The following WASHC2C variants were observed in gnomAD, a reference collection of about 807,000 sequenced individuals.
WASHC2C encodes WASH complex subunit 2C, also known as Vaccinia Penetration Factor.
In WASHC2C, 73 loss-of-function variants were observed where a neutral mutation model predicts 142.2. The observed-to-expected ratio is 0.51, with a 90% CI of 0.43 to 0.62. WASHC2C has a LOEUF of 0.62. Ranked by LOEUF, WASHC2C falls within the 20% of genes least tolerant of loss-of-function variation. The probability of loss-of-function intolerance (pLI) is 0.00; values close to 1 mark genes in which losing one functional copy is unlikely to be tolerated. For synonymous variants in WASHC2C, 337 were observed against 565.5 expected (o/e 0.60, Z 5.73); for missense variants, 969 against 1,531.7 (o/e 0.63, Z 6.13).
intron 21 of WASHC2C, among the ~76,000 whole-genome samples, chr10:45,774,795 A>C (rs1554885903): frequency 8.1e-6 from 1 of 123,528 alleles, no homozygotes. Flanking sequence ...GAGACACAGC[A>C]TTTATACATT....
rs1438004740 is a variant in WASHC2C at position 45,749,898 on chromosome 10, A to AT, written c.733-190dup. Among the ~76,000 whole-genome samples the AT allele has an allele frequency of 9.1e-4, 124 of 136,004 alleles. 2 individuals carry two copies. The highest frequency in any genetic ancestry group is 3.4e-3 in the African/African-American group (118 of 35,198). 89.2% of individuals were successfully genotyped at this position (136,004 alleles called of 152,430 possible). On this transcript the variant is annotated intron_variant, in intron 8 of 30. Transcript: ENST00000623400. ...TTATATTTTATATATATTTTTATATATTTTTTTTCTTAGATTCAAAGTAAA... is the reference window on the plus strand; with the variant it reads ...TTATATTTTATATATATTTTTATATATTTTTTTTTCTTAGATTCAAAGTAAA...
At chr10:45,739,236 TCA>T (rs1439460419) in intron 4 of WASHC2C, among the ~76,000 whole-genome samples, 2 of 150,882 alleles carry the variant, frequency 1.3e-5, no homozygotes, top group African/African-American at 2.4e-5. Flanking sequence ...ACAAAAAAGT[TCA>T]GTTAGAAAGA....
chr10:45,735,298 C>T (rs1249178027), intron 3 of WASHC2C, among the ~76,000 whole-genome samples: 1 of 150,606 alleles, frequency 6.6e-6, no homozygotes, highest in Non-Finnish European at 1.5e-5. Context: ...TGTGCAATCT[C>T]GGCTCACTGC....
At chr10:45,746,260 AAACT>A (rs2052818849) in intron 7 of WASHC2C, among the ~76,000 whole-genome samples, 1 of 145,466 alleles carries the variant, frequency 6.9e-6, no homozygotes, top group Admixed American at 6.9e-5. Context: ...AAAATAACAC[AAACT>A]GACTTTCAGT....
rs1554861200 is a variant in WASHC2C at position 45,728,974 on chromosome 10, A to G, written c.239A>G (p.His80Arg). ...RETKATDCRLHNVFNDFLMLS... is the reference protein window; with the variant it reads ...RETKATDCRLRNVFNDFLMLS... ...ACCAAAGCCACAGATTGTCGCCTGC[A>G]TAATGTCTTCAATGACTTCCTTATG... The change falls in exon 3 of 31, where the codon CAT (histidine) becomes CGT (arginine). Residue 80 changes from histidine (H) to arginine (R), a missense_variant. Physicochemically the swap from His to Arg is conservative, Grantham distance 29. Coordinates refer to ENST00000623400, the MANE Select transcript of WASHC2C (RefSeq NM_001330074.2). The G allele has an allele frequency of 6.2e-7, 1 of 1,614,000 alleles. No homozygotes were observed. The highest frequency in any genetic ancestry group is 8.5e-7 in the Non-Finnish European group (1 of 1,179,862).
At chr10:45,784,252 GTATA>G (rs71225139) in intron 23 of WASHC2C, among the ~76,000 whole-genome samples, 523 of 40,640 alleles carry the variant, frequency 0.013, 12 homozygotes, top group African/African-American at 0.037. Flanking sequence ...GTGTGTGTGT[GTATA>G]TATATATATA....
intron 8 of WASHC2C, among the ~76,000 whole-genome samples, chr10:45,746,991 A>G (rs1416739062): frequency 2.0e-5 from 3 of 152,208 alleles, no homozygotes; most frequent in Non-Finnish European, 4.4e-5. Flanking sequence ...CAGTAACATT[A>G]TTGAGTATTC....
At chr10:45,745,508 T>C (rs1477651259) in intron 7 of WASHC2C, among the ~76,000 whole-genome samples, 1 of 151,406 alleles carries the variant, frequency 6.6e-6, no homozygotes, top group Non-Finnish European at 1.5e-5. Flanking sequence ...AAGGAGACAG[T>C]GTTGTGTATG....
chr10:45,773,714 A>G (rs2056817207), intron 21 of WASHC2C, among the ~76,000 whole-genome samples: 2 of 152,220 alleles, frequency 1.3e-5, no homozygotes, highest in Non-Finnish European at 2.9e-5. Context: ...TTAGCCAGTC[A>G]GTAAAAAGGA....
At chr10:45,727,103 C>T (rs1589511040), upstream of WASHC2C, 1 of 1,389,962 alleles carries the variant, frequency 7.2e-7, no homozygotes, top group South Asian at 1.6e-5. Flanking sequence ...TCCGCCCCAA[C>T]CTAGGGTAGA....
chr10:45,747,084 G>A (rs1382769068), intron 8 of WASHC2C, among the ~76,000 whole-genome samples: 4 of 152,174 alleles, frequency 2.6e-5, no homozygotes, highest in African/African-American at 9.7e-5. Flanking sequence ...TTTTCATAGT[G>A]TGCATCGTTC....
At chr10:45,751,951 C>T (rs1465427235) in intron 11 of WASHC2C, among the ~76,000 whole-genome samples, 11 of 152,218 alleles carry the variant, frequency 7.2e-5, no homozygotes, top group South Asian at 6.2e-4. Context: ...CATTCCAGCC[C>T]GGGTGATGGT....
At chr10:45,758,327 C>A (rs2596975) in intron 16 of WASHC2C, among the ~76,000 whole-genome samples, 12,057 of 140,662 alleles carry the variant, frequency 0.086, 759 homozygotes, top group African/African-American at 0.19. Context: ...TGCCATTGCT[C>A]AGTTGATCTC....
chr10:45,746,922 C>T (rs2052906302), intron 8 of WASHC2C, among the ~76,000 whole-genome samples: 1 of 152,146 alleles, frequency 6.6e-6, no homozygotes, highest in South Asian at 2.1e-4. Context: ...GACTCAGTTA[C>T]CCAAACTGAA....
chr10:45,758,287 G>C (rs1319449213), intron 16 of WASHC2C, among the ~76,000 whole-genome samples: 47 of 152,308 alleles, frequency 3.1e-4, no homozygotes, highest in African/African-American at 1.1e-3. Context: ...CCACCACACT[G>C]CTTCATTGGA....
Position 45,792,839 on chromosome 10 carries a change from A to G in WASHC2C, c.*439A>G. 2 of 472,696 alleles carry G rather than the reference A, an allele frequency of 4.2e-6. No homozygotes were observed. The highest frequency in any genetic ancestry group is 8.7e-6 in the Non-Finnish European group (2 of 229,444). 29.3% of individuals were successfully genotyped at this position (472,696 alleles called of 1,614,324 possible). On this transcript the variant is annotated 3_prime_UTR_variant, in exon 31 of 31. Transcript: ENST00000623400. ...AGATTATACTTCATGAGTCTTAGCA[A>G]TATGGGAGCAGGTTTTCACTGAATT...
At chr10:45,773,962 A>AATAC (rs1375172247) in intron 21 of WASHC2C, among the ~76,000 whole-genome samples, 1 of 148,498 alleles carries the variant, frequency 6.7e-6, no homozygotes, top group Non-Finnish European at 1.5e-5. Context: ...CAAAACAAGA[A>AATAC]ATACACATGA....
intron 3 of WASHC2C, among the ~76,000 whole-genome samples, chr10:45,732,009 G>T (rs1438573120): frequency 6.6e-6 from 1 of 151,908 alleles, no homozygotes; most frequent in Admixed American, 6.6e-5. Context: ...TGTTAGCCAG[G>T]ATGGTCTCGA....
In WASHC2C at chr10:45,752,657, G is replaced by T. The variant is rs1374647363; in HGVS notation, c.1073G>T (p.Gly358Val). The change falls in exon 12 of 31, where the codon GGT (glycine) becomes GTT (valine). Residue 358 changes from glycine (G) to valine (V), a missense_variant. By Grantham distance (109) the Gly-to-Val change is moderately radical. Coordinates refer to ENST00000623400, the MANE Select transcript of WASHC2C (RefSeq NM_001330074.2). Reference sequence around the variant, plus strand: ...GACTTCTCGCCATTTGGCTCTGGAGGTGGCCTGTTCAGTGGCGGCAAGGGG... The same window carrying T: ...GACTTCTCGCCATTTGGCTCTGGAGTTGGCCTGTTCAGTGGCGGCAAGGGG... The part of the protein sequence containing the change: ...DEDFSPFGSG[G>V]GLFSGGKGLF... 1.2e-6 allele frequency: 2 copies of T among 1,609,786 alleles called. No homozygotes were observed. Among genetic ancestry groups the T allele is most frequent in the Admixed American group, 1.7e-5 (1 of 59,930 alleles).
Sources: allele counts gnomAD v4.1 joint callset (sites outside exome capture counted in the v4.1 genomes callset), GRCh38; gene constraint gnomAD v4.1.1; transcripts MANE v1.5; gene names NCBI Gene and HGNC (gene_info 2026-07-23, HGNC 2026-07-21).